The following ARHGAP19 variants were observed in gnomAD, a reference collection of about 807,000 sequenced individuals.
ARHGAP19 encodes Rho GTPase activating protein 19, also known as rho GTPase-activating protein 19.
A neutral mutation model predicts 60.9 loss-of-function variants in ARHGAP19; 48 were observed. The ratio of observed to expected loss-of-function variants is 0.79; its 90% CI spans 0.62 to 1.00. The LOEUF is 1.00. Among genes scored for constraint, ARHGAP19 ranks in the 50% least tolerant of loss-of-function variants. The probability of loss-of-function intolerance (pLI) is 0.00; values close to 1 mark genes in which losing one functional copy is unlikely to be tolerated. For synonymous variants in ARHGAP19, 209 were observed against 215.5 expected (o/e 0.97, Z 0.27); for missense variants, 562 against 597.2 (o/e 0.94, Z 0.61).
At chr10:97,254,939 T>G (rs577931415) in intron 6 of ARHGAP19, among the ~76,000 whole-genome samples, 1 of 152,290 alleles carries the variant, frequency 6.6e-6, no homozygotes, top group African/African-American at 2.4e-5. Context: ...TTGAGCACAC[T>G]ATGCTAAGTA....
intron 3 of ARHGAP19, among the ~76,000 whole-genome samples, chr10:97,264,182 T>C (rs917194841): frequency 6.6e-6 from 1 of 152,190 alleles, no homozygotes; most frequent in Admixed American, 6.5e-5. Flanking sequence ...CCAGGCTCAA[T>C]GGCTCACGCC....
At chr10:97,278,592 A>G (rs1489664993) in intron 1 of ARHGAP19, among the ~76,000 whole-genome samples, 1 of 152,220 alleles carries the variant, frequency 6.6e-6, no homozygotes, top group African/African-American at 2.4e-5. Context: ...AGTGGCATAA[A>G]TTTATCAATC....
intron 5 of ARHGAP19, 69 bp from the exon 6 acceptor site, chr10:97,256,473 G>T: frequency 9.0e-7 from 1 of 1,116,414 alleles, no homozygotes; most frequent in Non-Finnish European, 1.4e-6. Context: ...CAATAAGCCT[G>T]TTCTTTCAAA....
At chr10:97,249,797 CTTT>C (rs34158492) in intron 6 of ARHGAP19, among the ~76,000 whole-genome samples, 13 of 109,016 alleles carry the variant, frequency 1.2e-4, no homozygotes, top group Admixed American at 9.6e-5. Context: ...TAGTGTGATT[CTTT>C]TTTTTTTTTT....
intron 8 of ARHGAP19, among the ~76,000 whole-genome samples, chr10:97,241,551 T>C (rs1164723220): frequency 6.6e-6 from 1 of 151,420 alleles, no homozygotes; most frequent in African/African-American, 2.4e-5. Context: ...CCATCTTTAC[T>C]AAAAATGCAA....
chr10:97,231,617 T>C (rs1484055029), intron 9 of ARHGAP19, among the ~76,000 whole-genome samples: 3 of 152,190 alleles, frequency 2.0e-5, no homozygotes, highest in African/African-American at 4.8e-5. Flanking sequence ...GATTCACGCA[T>C]GTTGTAGGAT....
chr10:97,259,603 T>A lies in ARHGAP19; in HGVS notation c.639A>T (p.Gly213=). The change falls in exon 5 of 12, where the codon GGA becomes GGT. Residue 213 remains glycine, a synonymous_variant. Coordinates refer to ENST00000358531, the MANE Select transcript of ARHGAP19 (RefSeq NM_032900.6). ...CCTTGTCTGGTATATTGGTCTTGTT[T>A]CCTTTATCATCAAACTGCATCAAAT... ...IADLMQFDDK[G]NKTNIPDKDR... The A allele has an allele frequency of 1.2e-6, 2 of 1,614,148 alleles. No homozygotes were observed. Among genetic ancestry groups the A allele is most frequent in the Middle Eastern group, 1.6e-4 (1 of 6,062 alleles).
intron 8 of ARHGAP19, among the ~76,000 whole-genome samples, chr10:97,240,430 T>A (rs1842460951): frequency 6.6e-6 from 1 of 152,206 alleles, no homozygotes. Context: ...GGCAGGCAGA[T>A]CACCTGAGGC....
chr10:97,270,667 C>T (rs954748509), intron 1 of ARHGAP19: 3 of 1,545,794 alleles, frequency 1.9e-6, no homozygotes, highest in Non-Finnish European at 2.6e-6. Context: ...GAAAGCTTTC[C>T]CCTTGTTTGT....
chr10:97,244,857 A>G (rs1842539975), intron 7 of ARHGAP19, among the ~76,000 whole-genome samples: 2 of 152,114 alleles, frequency 1.3e-5, no homozygotes, highest in South Asian at 4.2e-4. Flanking sequence ...AGCACTCAAA[A>G]AGTGCTTGTA....
At chr10:97,281,592 T>C (rs1228647814) in intron 1 of ARHGAP19, among the ~76,000 whole-genome samples, 1 of 152,196 alleles carries the variant, frequency 6.6e-6, no homozygotes, top group Non-Finnish European at 1.5e-5. Flanking sequence ...TACTAATTGC[T>C]TTGTAACTTT....
chr10:97,246,435 G>C (rs1842565168), intron 6 of ARHGAP19, 98 bp from the exon 7 acceptor site: 1 of 945,386 alleles, frequency 1.1e-6, no homozygotes, highest in African/African-American at 1.6e-5. Context: ...CATTTGACCA[G>C]CAGATTACTT....
intron 1 of ARHGAP19, among the ~76,000 whole-genome samples, chr10:97,286,762 AT>A (rs563701665): frequency 2.2e-3 from 328 of 152,334 alleles, no homozygotes; most frequent in African/African-American, 7.3e-3. Flanking sequence ...TCATGTAATA[AT>A]AGTTAGCACT....
intron 1 of ARHGAP19, among the ~76,000 whole-genome samples, chr10:97,286,105 T>G (rs1459911639): frequency 6.6e-6 from 1 of 152,200 alleles, no homozygotes; most frequent in Non-Finnish European, 1.5e-5. Flanking sequence ...GAAAATCCCC[T>G]GAAGAAATCT....
intron 4 of ARHGAP19, among the ~76,000 whole-genome samples, chr10:97,262,101 T>C (rs1451567154): frequency 6.6e-6 from 1 of 151,586 alleles, no homozygotes; most frequent in African/African-American, 2.4e-5. Flanking sequence ...CCTGCAATCC[T>C]AGCACTTTGG....
At chr10:97,258,769 CAG>C (rs1028390452) in intron 5 of ARHGAP19, 12 of 151,924 alleles carry the variant, frequency 7.9e-5, no homozygotes, top group African/African-American at 2.9e-4. Flanking sequence ...CTCAAAAAAA[CAG>C]AAAAAAAGAC....
chr10:97,257,376 C>G (rs985278679), intron 5 of ARHGAP19, among the ~76,000 whole-genome samples: 1 of 146,882 alleles, frequency 6.8e-6, no homozygotes, highest in African/African-American at 2.5e-5. Context: ...CAGCTGCAAA[C>G]TCCTTGGCTC....
At chr10:97,245,595 CAA>C (rs397845381) in intron 7 of ARHGAP19, among the ~76,000 whole-genome samples, 55,774 of 111,890 alleles carry the variant, frequency 0.5, 13,862 homozygotes, top group East Asian at 0.67. Context: ...AACCCTATCT[CAA>C]AAAAAAAAAA....
chr10:97,258,022 A>G (rs1423597630), intron 5 of ARHGAP19, among the ~76,000 whole-genome samples: 1 of 152,198 alleles, frequency 6.6e-6, no homozygotes, highest in Admixed American at 6.5e-5. Context: ...ATTTTCTTCA[A>G]CATCTTTTCA....
Sources: gnomAD v4.1 joint callset for allele counts (sites outside exome capture counted in the v4.1 genomes callset) on GRCh38, gnomAD v4.1.1 for gene constraint, MANE v1.5 for transcripts, NCBI Gene and HGNC (gene_info 2026-07-23, HGNC 2026-07-21) for gene names.